Variants in RICTOR observed in about 807,000 individuals in gnomAD.
RICTOR encodes RPTOR independent companion of MTOR complex 2.
Under a neutral mutation model 214.9 loss-of-function variants are expected in RICTOR, and 49 were observed. The observed-to-expected ratio is 0.23, with a 90% confidence interval of 0.18 to 0.29. The LOEUF is 0.29. RICTOR is among the 10% of genes least tolerant of loss of function. The pLI, the probability that RICTOR is intolerant of heterozygous loss-of-function variation, is 1.00. For missense variants in RICTOR, 1,625 were observed against 2,047.0 expected (o/e 0.79, Z 3.98); for synonymous variants, 717 against 711.3 (o/e 1.01, Z -0.13).
chr5:39,035,004 G>A (rs974520444), intron 2 of RICTOR, among the ~76,000 whole-genome samples: 2 of 152,208 alleles, frequency 1.3e-5, no homozygotes, highest in African/African-American at 4.8e-5. Flanking sequence ...TCTGAGAACG[G>A]GCAGACTGCC....
In RICTOR at chr5:38,961,796, T is replaced by C. The variant is rs529800206; in HGVS notation, c.1715+519A>G. On this transcript the variant is annotated intron_variant, in intron 19 of 37. Transcript: ENST00000357387. ...ACTAAGGACCTCTTTCTGAGATCAGTAGTAATAGCTGGTTAGTCTAAACTC... is the reference window on the plus strand; with the variant it reads ...ACTAAGGACCTCTTTCTGAGATCAGCAGTAATAGCTGGTTAGTCTAAACTC... 3.9e-4 allele frequency among the ~76,000 whole-genome samples: 60 copies of C among 152,246 alleles called. 1 individual carries two copies. Among genetic ancestry groups the C allele is most frequent in the Admixed American group, 3.4e-3 (52 of 15,270 alleles).
rs1162983053 is a variant in RICTOR, at chr5:38,939,369, G to C, written c.*2935C>G. The C allele has an allele frequency of 8.6e-6, 2 of 232,026 alleles. No homozygotes were observed. The highest frequency in any genetic ancestry group is 4.4e-5 in the African/African-American group (2 of 45,262). 14.4% of individuals were successfully genotyped at this position (232,026 alleles called of 1,614,324 possible). A position where few individuals can be genotyped will look rare whatever the true frequency, so the allele number is the denominator to read the frequency against. Reference sequence around the variant, plus strand: ...TGTTAATAATGTATATACTTCCAAAGAGCCTCTTTTAATGTCACTGTCATA... The same window carrying C: ...TGTTAATAATGTATATACTTCCAAACAGCCTCTTTTAATGTCACTGTCATA... On this transcript the variant is annotated 3_prime_UTR_variant, in exon 38 of 38. Coordinates refer to ENST00000357387, the MANE Select transcript of RICTOR (RefSeq NM_152756.5).
At position 38,950,381 on chromosome 5, in the gene RICTOR, G is replaced by C; in HGVS notation, c.3467C>G (p.Thr1156Arg). 3 of 1,613,140 alleles carry C rather than the reference G, an allele frequency of 1.9e-6. No individual in the cohort carries two copies. The highest frequency in any genetic ancestry group is 2.5e-6 in the Non-Finnish European group (3 of 1,179,396). ...DFTPISTVQK[T>R]LQLETSFMGN... ...CATAAATGAAGTCTCTAATTGTAATGTTTTCTGTACAGTGGATATGGGTGT... is the reference window on the plus strand; with the variant it reads ...CATAAATGAAGTCTCTAATTGTAATCTTTTCTGTACAGTGGATATGGGTGT... The change falls in exon 31 of 38, where the codon ACA becomes AGA. Residue 1156 changes from threonine to arginine, a missense_variant. Physicochemically the swap from Thr to Arg is moderately conservative, Grantham distance 71. Coordinates refer to ENST00000357387, the MANE Select transcript of RICTOR (RefSeq NM_152756.5).
rs1413599335 is a variant in RICTOR at position 38,975,569 on chromosome 5, A to G, written c.857T>C (p.Met286Thr). The G allele has an allele frequency of 6.2e-7, 1 of 1,613,666 alleles. No homozygotes were observed. The highest frequency in any genetic ancestry group is 2.2e-5 in the East Asian group (1 of 44,854). Residue 286 changes from methionine (M) to threonine (T), a missense_variant, in exon 10 of 38, where the codon ATG (methionine) becomes ACG (threonine). Met to Thr is a moderately conservative substitution (Grantham distance 81). Around this residue, in one of 5 missense-constraint regions of RICTOR, gnomAD observed 258 missense variants for 393.7 expected, o/e 0.66. Coordinates refer to ENST00000357387, the MANE Select transcript of RICTOR (RefSeq NM_152756.5). Reference protein sequence around the residue: ...DREARFLASKMGIIATFRSWA... With the variant: ...DREARFLASKTGIIATFRSWA... ...TGATCGGAATGTTGCTATGATTCCC[A>G]TTTTACTGGCTAGAAATCGTGCTTC... is the stretch of plus-strand genomic sequence containing the variant.
rs1554011696 is a variant in RICTOR, at chr5:39,050,199, A to ATAT, written c.97+23911_97+23912insATA. On this transcript the variant is annotated intron_variant, in intron 2 of 37. Transcript: ENST00000357387. ...ATAAATATAAACAAATAAATAAATA[A>ATAT]ATATATATATATATAAAGTATGCTG... Among the ~76,000 whole-genome samples, 491 of 148,496 alleles carry ATAT rather than the reference A, an allele frequency of 3.3e-3. 4 individuals carry two copies. Among genetic ancestry groups the ATAT allele is most frequent in the African/African-American group, 7.4e-3 (295 of 40,120 alleles).
intron 11 of RICTOR, 45 bp from the exon 12 acceptor site, chr5:38,968,075 T>G: frequency 9.5e-7 from 1 of 1,058,038 alleles, no homozygotes; most frequent in Non-Finnish European, 1.5e-6. Context: ...TATGAAACAC[T>G]TTTAAGATTT....
intron 9 of RICTOR, 53 bp downstream of exon 9, chr5:38,978,530 T>C (rs1751421484): frequency 1.2e-6 from 1 of 816,036 alleles, no homozygotes; most frequent in African/African-American, 1.8e-5. Flanking sequence ...CTAAAAGCTT[T>C]AGTATTAACA....
At chr5:39,069,282 T>C (rs1384091146) in intron 2 of RICTOR, among the ~76,000 whole-genome samples, 1 of 152,170 alleles carries the variant, frequency 6.6e-6, no homozygotes, top group African/African-American at 2.4e-5. Context: ...GTTTTTGTAA[T>C]ATTGTCGTTA....
chr5:38,956,219 C>T (rs939408693), intron 25 of RICTOR, among the ~76,000 whole-genome samples: 2 of 151,998 alleles, frequency 1.3e-5, no homozygotes, highest in Non-Finnish European at 2.9e-5. Context: ...AAACTTGTGT[C>T]AATATTTCTA....
rs186296583 is a variant in RICTOR at position 39,036,111 on chromosome 5, G to T, written c.98-14975C>A. 5.3e-4 allele frequency among the ~76,000 whole-genome samples: 81 copies of T among 152,298 alleles called. 1 individual carries two copies. Among genetic ancestry groups the T allele is most frequent in the African/African-American group, 1.8e-3 (74 of 41,564 alleles). On this transcript the variant is annotated intron_variant, in intron 2 of 37. Transcript: ENST00000357387. Reference sequence around the variant, plus strand: ...AAGGGAAGCCCATCAGACTAACAGCGGATCTCTCCGCAGAAACTCAACAAG... The same window carrying T: ...AAGGGAAGCCCATCAGACTAACAGCTGATCTCTCCGCAGAAACTCAACAAG...
chr5:39,004,235 A>C (rs572670602), intron 3 of RICTOR, among the ~76,000 whole-genome samples: 1 of 152,026 alleles, frequency 6.6e-6, no homozygotes, highest in South Asian at 2.1e-4. Context: ...TAGTGTTTTA[A>C]TTTTAGACCA....
At position 38,959,843 on chromosome 5, in the gene RICTOR, T is replaced by C. The variant is rs756521430; in HGVS notation, c.1987A>G (p.Ile663Val). 1 of 1,613,500 alleles carries C rather than the reference T, an allele frequency of 6.2e-7. No homozygotes were observed. The highest frequency in any genetic ancestry group is 8.5e-7 in the Non-Finnish European group (1 of 1,179,566). The change falls in exon 21 of 38, where the codon ATT becomes GTT. Residue 663 changes from isoleucine to valine, a missense_variant. Around this residue, in one of 5 missense-constraint regions of RICTOR, gnomAD observed 1,214 missense variants for 1,470.5 expected, o/e 0.83. Coordinates refer to ENST00000357387, the MANE Select transcript of RICTOR (RefSeq NM_152756.5). ...TTLSQHYFLF[I>V]GTLSCHPHGV... ...TGAGGGTGGCAAGAAAGTGTTCCAA[T>C]AAATAAAAAGTAGTGTTGACTAAGG...
chr5:39,049,652 A>C (rs760759526), intron 2 of RICTOR, among the ~76,000 whole-genome samples: 3 of 151,812 alleles, frequency 2.0e-5, no homozygotes, highest in Admixed American at 6.6e-5. Context: ...AAAAAAAGTT[A>C]TCAAAAAGAT....
At chr5:39,019,363 T>C (rs181988671) in intron 3 of RICTOR, among the ~76,000 whole-genome samples, 10 of 152,270 alleles carry the variant, frequency 6.6e-5, no homozygotes, top group Admixed American at 6.5e-4. Context: ...AGTCAATGTC[T>C]AGCTTCAAAG....
chr5:39,007,080 C>T (rs1754145180), intron 3 of RICTOR, among the ~76,000 whole-genome samples: 2 of 151,904 alleles, frequency 1.3e-5, no homozygotes, highest in African/African-American at 2.4e-5. Context: ...CAACCATATA[C>T]CTAAAATTAA....
chr5:38,967,124 A>T, intron 14 of RICTOR, 37 bp downstream of exon 14: 2 of 1,471,030 alleles, frequency 1.4e-6, no homozygotes, highest in Non-Finnish European at 1.9e-6. Flanking sequence ...TAGAGAAAAT[A>T]AACAAAATGG....
In RICTOR at chr5:38,981,979, T is replaced by C. The variant is rs1751748804; in HGVS notation, c.641A>G (p.Asn214Ser). 1 of 1,612,762 alleles carries C rather than the reference T, an allele frequency of 6.2e-7. No homozygotes were observed. The highest frequency in any genetic ancestry group is 1.7e-5 in the Admixed American group (1 of 59,990). Residue 214 changes from asparagine to serine, a missense_variant, in exon 8 of 38, where the codon AAT becomes AGT. Around this residue, in one of 5 missense-constraint regions of RICTOR, gnomAD observed 258 missense variants for 393.7 expected, o/e 0.66. Transcript: ENST00000357387. ...TCGACTTAATTGGCAATCGATCACA[T>C]TTTTCAAGATGGTGTTTAGTCCACC... ...LRGGLNTILK[N>S]VIDCQLSRIN... is the part of the protein sequence containing the mutation.
chr5:38,983,637 C>T (rs1192179374), intron 7 of RICTOR, among the ~76,000 whole-genome samples: 1 of 152,098 alleles, frequency 6.6e-6, no homozygotes, highest in Non-Finnish European at 1.5e-5. Flanking sequence ...TATCTGTGTA[C>T]ATGTACATAA....
intron 2 of RICTOR, among the ~76,000 whole-genome samples, chr5:39,046,945 C>A (rs1330363940): frequency 6.6e-6 from 1 of 152,120 alleles, no homozygotes; most frequent in East Asian, 1.9e-4. Flanking sequence ...TAAGTCAATG[C>A]CTCAAAAGTT....
Sources: allele counts gnomAD v4.1 joint callset (sites outside exome capture counted in the v4.1 genomes callset), GRCh38; gene constraint gnomAD v4.1.1; regional missense constraint gnomAD v4.1.1; transcripts MANE v1.5; gene names NCBI Gene and HGNC (gene_info 2026-07-23, HGNC 2026-07-21).